C1S: variants seen among roughly 807,000 people sequenced by gnomAD.
The protein encoded by C1S is complement C1s, also known as complement C1s subcomponent.
In C1S, 31 loss-of-function variants were observed where a neutral mutation model predicts 54.0. That is an observed-to-expected ratio of 0.57 (90% CI 0.43 to 0.78). The LOEUF is 0.78. Ranked by LOEUF, C1S falls within the 30% of genes least tolerant of loss-of-function variation. The pLI is 0.00. For synonymous variants in C1S, 292 were observed against 303.6 expected (o/e 0.96, Z 0.40); for missense variants, 727 against 851.8 (o/e 0.85, Z 1.82).
chr12:7,066,027 G>A (rs1305960548), intron 7 of C1S, 57 bp downstream of exon 7: 10 of 1,491,502 alleles, frequency 6.7e-6, no homozygotes, highest in Admixed American at 6.7e-5. Flanking sequence ...CAAACAATGT[G>A]GGATCAAAGC....
intron 6 of C1S, 131 bp from the exon 7 acceptor site, chr12:7,065,686 T>A: frequency 1.2e-6 from 1 of 836,138 alleles, no homozygotes; most frequent in South Asian, 1.4e-5. Flanking sequence ...TAAAATTATC[T>A]TTTCTCCTGA....
chr12:7,061,711 G>C, intron 1 of C1S, 128 bp from the exon 2 acceptor site: 1 of 684,432 alleles, frequency 1.5e-6, no homozygotes, highest in Non-Finnish European at 2.7e-6. Context: ...GTGCCATGTG[G>C]GGATGTTGGT....
At chr12:7,068,974 T>G (rs1277430495) in intron 11 of C1S, 2 of 213,270 alleles carry the variant, frequency 9.4e-6, no homozygotes, top group East Asian at 2.0e-4. Flanking sequence ...GCAAATCCAA[T>G]AGGATAATAA....
intron 6 of C1S, 134 bp downstream of exon 6, chr12:7,065,433 G>C (rs1565621574): frequency 1.3e-6 from 1 of 746,798 alleles, no homozygotes; most frequent in Non-Finnish European, 2.4e-6. Flanking sequence ...ACAGCTCACT[G>C]TAGCCTTGAT....
At chr12:7,067,590 T>C (rs2135726893) in intron 9 of C1S, 53 bp from the exon 10 acceptor site, 1 of 1,609,470 alleles carries the variant, frequency 6.2e-7, no homozygotes, top group Non-Finnish European at 8.5e-7. Flanking sequence ...CCATGACTCT[T>C]CCTTGGAGGA....
At chr12:7,064,071 T>C (rs781824877) in intron 4 of C1S, 196 bp from the exon 5 acceptor site, 2 of 673,976 alleles carry the variant, frequency 3.0e-6, no homozygotes, top group South Asian at 2.8e-5. Flanking sequence ...TATAGCTGTG[T>C]AGTGGTAGGG....
intron 4 of C1S, 90 bp from the exon 5 acceptor site, chr12:7,064,177 A>G: frequency 2.2e-6 from 3 of 1,373,548 alleles, no homozygotes; most frequent in Non-Finnish European, 3.1e-6. Flanking sequence ...GGCCTTTCCT[A>G]CTTTTTCTTA....
At chr12:7,064,949 G>C (rs1002251749) in intron 5 of C1S, 151 bp from the exon 6 acceptor site, 13 of 680,084 alleles carry the variant, frequency 1.9e-5, no homozygotes, top group Non-Finnish European at 2.6e-6. Flanking sequence ...TATTGCACGT[G>C]TAATTGCTCT....
rs782430624 is a variant in C1S at position 7,064,337 on chromosome 12, C to T, written c.462C>T (p.Tyr154=). Residue 154 remains tyrosine (Y), a synonymous_variant, in exon 5 of 12, where the codon TAC becomes TAT. Coordinates refer to ENST00000360817, the MANE Select transcript of C1S (RefSeq NM_001734.5). ...TCTGCAACAATTTCATTGGTGGTTA[C>T]TTCTGCTCCTGCCCCCCGGAATATT... ...SHFCNNFIGG[Y]FCSCPPEYFL... is the part of the protein sequence containing the mutation. 1 of 1,614,076 alleles carries T rather than the reference C, an allele frequency of 6.2e-7. No individual in the cohort carries two copies. Among genetic ancestry groups the T allele is most frequent in the South Asian group, 1.1e-5 (1 of 91,086 alleles).
intron 5 of C1S, 28 bp downstream of exon 5, chr12:7,064,420 G>A: frequency 1.9e-6 from 3 of 1,613,932 alleles, no homozygotes; most frequent in South Asian, 1.1e-5. Flanking sequence ...AGGGTTGCAT[G>A]TTCCCTGGGA....
At chr12:7,061,707 T>C (rs1302774826) in intron 1 of C1S, 132 bp from the exon 2 acceptor site, 1 of 676,862 alleles carries the variant, frequency 1.5e-6, no homozygotes, top group Non-Finnish European at 2.7e-6. Context: ...CACGGTGCCA[T>C]GTGGGGATGT....
Position 7,067,092 on chromosome 12 carries a change from G to T in C1S, c.1041G>T (p.Trp347Cys). Residue 347 changes from tryptophan (W) to cysteine (C), a missense_variant, in exon 9 of 12, where the codon TGG (tryptophan) becomes TGT (cysteine). By Grantham distance (215) the Trp-to-Cys change is radical (BLOSUM62 -2). Around this residue, in one of 3 missense-constraint regions of C1S, gnomAD observed 360 missense variants for 453.6 expected, o/e 0.79. Transcript: ENST00000360817. ...FYSTCQSNGK[W>C]SNSKLKCQPV... ...CGACTTGTCAAAGCAATGGAAAGTG[G>T]AGTAATTCCAAACTGAAATGTCAAC... is the stretch of plus-strand genomic sequence containing the variant. 6.2e-7 allele frequency: 1 copy of T among 1,609,762 alleles called. No individual in the cohort carries two copies. Among genetic ancestry groups the T allele is most frequent in the Non-Finnish European group, 8.5e-7 (1 of 1,176,020 alleles).
chr12:7,070,727 A>C lies in C1S; in HGVS notation c.*76A>C. On this transcript the variant is annotated 3_prime_UTR_variant, in exon 12 of 12. Transcript: ENST00000360817. The surrounding 1 kb of genome is among the most constrained non-coding windows in gnomAD (Gnocchi z 4.9). ...TTCTGTTCCTTATGATATTCTCATTATTTCATCATGACTGAAAGAAGACAC... is the reference window on the plus strand; with the variant it reads ...TTCTGTTCCTTATGATATTCTCATTCTTTCATCATGACTGAAAGAAGACAC... The C allele has an allele frequency of 4.2e-6, 5 of 1,188,434 alleles. No homozygotes were observed. Among genetic ancestry groups the C allele is most frequent in the Non-Finnish European group, 6.3e-6 (5 of 797,398 alleles). 73.6% of individuals were successfully genotyped at this position (1,188,434 alleles called of 1,614,324 possible). A position where few individuals can be genotyped will look rare whatever the true frequency, so the allele number is the denominator to read the frequency against.
At chr12:7,069,417 G>A (rs1937775203) in intron 11 of C1S, among the ~76,000 whole-genome samples, 1 of 152,236 alleles carries the variant, frequency 6.6e-6, no homozygotes, top group Admixed American at 6.5e-5. Flanking sequence ...ATTAAAGTTT[G>A]ATCTGGGCAT....
At chr12:7,066,677 C>A in intron 8 of C1S, 44 bp downstream of exon 8, 2 of 1,156,470 alleles carry the variant, frequency 1.7e-6, no homozygotes, top group Non-Finnish European at 2.6e-6. Context: ...GGCCCCAGAT[C>A]AGGATGAGCG....
rs1015011304 is a variant in C1S, at chr12:7,070,123, A to G, written c.1539A>G (p.Gly513=). ...CTGAGCATGTGTTTATTCATCCGGG[A>G]TGGAAGCTGCTGGAAGTCCCAGAAG... The part of the protein sequence containing the change: ...LTPEHVFIHP[G]WKLLEVPEGR... Residue 513 remains glycine (G), a synonymous_variant, in exon 12 of 12, where the codon GGA becomes GGG. Transcript: ENST00000360817. The surrounding 1 kb of genome is among the most constrained non-coding windows in gnomAD (Gnocchi z 4.9). 2 of 1,614,196 alleles carry G rather than the reference A, an allele frequency of 1.2e-6. No homozygotes were observed. Among genetic ancestry groups the G allele is most frequent in the South Asian group, 2.2e-5 (2 of 91,080 alleles).
chr12:7,064,376 C>T lies in C1S; in HGVS notation c.501C>T (p.Asp167=), dbSNP rs1947142859. ...CCCCGGAATATTTCCTCCATGATGA[C>T]ATGAAGAATTGCGGAGGTGAGCTTG... ...SCPPEYFLHD[D]MKNCGVNCSG... The change falls in exon 5 of 12, where the codon GAC becomes GAT. Residue 167 remains aspartate (D), a synonymous_variant. Coordinates refer to ENST00000360817, the MANE Select transcript of C1S (RefSeq NM_001734.5). 2.5e-6 allele frequency: 4 copies of T among 1,614,072 alleles called. No individual in the cohort carries two copies. Among genetic ancestry groups the T allele is most frequent in the Non-Finnish European group, 3.4e-6 (4 of 1,180,008 alleles).
Position 7,065,833 on chromosome 12 carries a change from G to A in C1S, c.734G>A (p.Arg245Gln), listed in dbSNP as rs782678322. The change falls in exon 7 of 12, where the codon CGG becomes CAG. Residue 245 changes from arginine to glutamine, a missense_variant. Arg to Gln is a conservative substitution (Grantham distance 43, BLOSUM62 1). This residue lies in a region of C1S where 357 missense variants were observed against 365.4 expected (regional missense o/e 0.98). Transcript: ENST00000360817. ...LDSLVFVAGD[R>Q]QFGPYCGHGF... ...TTTGTTCAGTTTGTTGCAGGAGATC[G>A]GCAATTTGGTCCTTACTGTGGTCAT... 26 of 1,613,530 alleles carry A rather than the reference G, an allele frequency of 1.6e-5. No individual in the cohort carries two copies. The highest frequency in any genetic ancestry group is 1.6e-4 in the Middle Eastern group (1 of 6,084).
rs2135725108 is a variant in C1S, at chr12:7,065,942, G to A, written c.843G>A (p.Lys281=). 10 of 1,614,018 alleles carry A rather than the reference G, an allele frequency of 6.2e-6. No homozygotes were observed. Among genetic ancestry groups the A allele is most frequent in the Non-Finnish European group, 8.5e-6 (10 of 1,179,930 alleles). ...AAACTGATCTAACAGGGCAAAAAAAGGGCTGGAAACTTCGCTATCATGGAG... is the reference window on the plus strand; with the variant it reads ...AAACTGATCTAACAGGGCAAAAAAAAGGCTGGAAACTTCGCTATCATGGAG... ...IFQTDLTGQK[K]GWKLRYHGDP... is the part of the protein sequence containing the mutation. The change falls in exon 7 of 12, where the codon AAG becomes AAA. Residue 281 remains lysine, a synonymous_variant. Coordinates refer to ENST00000360817, the MANE Select transcript of C1S (RefSeq NM_001734.5).
Sources: gnomAD v4.1 joint callset for allele counts (sites outside exome capture counted in the v4.1 genomes callset) on GRCh38, gnomAD v4.1.1 for gene constraint, gnomAD v4.1.1 regional missense constraint, Gnocchi (gnomAD v3.1) non-coding constraint, MANE v1.5 for transcripts, NCBI Gene and HGNC (gene_info 2026-07-23, HGNC 2026-07-21) for gene names.